The following ASTN2 variants were observed in gnomAD, a reference collection of about 807,000 sequenced individuals.
ASTN2 encodes astrotactin 2.
Under a neutral mutation model 139.8 loss-of-function variants are expected in ASTN2, and 54 were observed. That is an observed-to-expected ratio of 0.39 (90% CI 0.31 to 0.48). The LOEUF is 0.48. ASTN2 is among the 20% of genes least tolerant of loss of function. The pLI, the probability that ASTN2 is intolerant of heterozygous loss-of-function variation, is 0.95. For synonymous variants in ASTN2, 756 were observed against 719.5 expected, an observed-to-expected ratio of 1.05 and a Z score of -0.81; for missense variants, 1,565 against 1,725.1, an observed-to-expected ratio of 0.91 and a Z score of 1.64.
At chr9:117,008,315 T>C (rs1837419369) in intron 6 of ASTN2, 56 bp from the exon 7 acceptor site, 1 of 1,478,476 alleles carries the variant, frequency 6.8e-7, no homozygotes, top group South Asian at 1.4e-5. Flanking sequence ...TCTTAGCTGA[T>C]GCTACAGAAC....
Position 116,614,201 on chromosome 9 carries a change from C to T in ASTN2, c.3355+4123G>A, listed in dbSNP as rs570000981. Reference sequence around the variant, plus strand: ...GACCTCTTCACGAAGAACTACAAACCACTGCTCAACAAAATAAAAGAGGAC... The same window carrying T: ...GACCTCTTCACGAAGAACTACAAACTACTGCTCAACAAAATAAAAGAGGAC... On this transcript the variant is annotated intron_variant, in intron 19 of 22. Coordinates refer to ENST00000313400, the MANE Select transcript of ASTN2 (RefSeq NM_001365068.1). 1.2e-3 allele frequency among the ~76,000 whole-genome samples: 184 copies of T among 152,252 alleles called. 1 individual carries two copies. The highest frequency in any genetic ancestry group is 4.2e-3 in the African/African-American group (176 of 41,536).
At chr9:116,737,359 A>G (rs1828954904) in intron 13 of ASTN2, among the ~76,000 whole-genome samples, 1 of 152,186 alleles carries the variant, frequency 6.6e-6, no homozygotes, top group Non-Finnish European at 1.5e-5. Flanking sequence ...CAACAGCTGC[A>G]GAACCCACCC....
chr9:116,644,615 CT>C (rs972072875), intron 17 of ASTN2, among the ~76,000 whole-genome samples: 2 of 152,154 alleles, frequency 1.3e-5, no homozygotes, highest in Non-Finnish European at 2.9e-5. Flanking sequence ...GTTTTACTAT[CT>C]GTAAAATAAA....
At chr9:116,813,794 G>A (rs1018846309) in intron 12 of ASTN2, among the ~76,000 whole-genome samples, 1 of 152,050 alleles carries the variant, frequency 6.6e-6, no homozygotes. Context: ...CAGCACTTTG[G>A]GGGGCTGAGA....
At position 116,854,931 on chromosome 9, in the gene ASTN2, T is replaced by C. The variant is rs577274311; in HGVS notation, c.2040+8652A>G. 2.1e-3 allele frequency among the ~76,000 whole-genome samples: 323 copies of C among 151,914 alleles called. 1 individual carries two copies. The highest frequency in any genetic ancestry group is 3.6e-3 in the Non-Finnish European group (243 of 67,960). ...CCTCCCAAAGTGCTAGGATTACAGG[T>C]TTGAGCCACCGCGCCCGGCCTCCCT... On this transcript the variant is annotated intron_variant, in intron 11 of 22. Coordinates refer to ENST00000313400, the MANE Select transcript of ASTN2 (RefSeq NM_001365068.1).
intron 1 of ASTN2, among the ~76,000 whole-genome samples, chr9:117,385,001 T>C (rs1274742076): frequency 2.0e-5 from 3 of 152,164 alleles, no homozygotes; most frequent in Non-Finnish European, 4.4e-5. Flanking sequence ...TCCTTTCCTG[T>C]CCATAGTTCA....
chr9:116,904,085 A>C (rs865915644), intron 10 of ASTN2, among the ~76,000 whole-genome samples: 4 of 152,338 alleles, frequency 2.6e-5, no homozygotes, highest in Middle Eastern at 6.8e-3. Flanking sequence ...TCCTTGCCAG[A>C]ATCATGTCAG....
At chr9:116,947,737 T>A (rs187357675) in intron 10 of ASTN2, among the ~76,000 whole-genome samples, 388 of 152,330 alleles carry the variant, frequency 2.5e-3, no homozygotes, top group Non-Finnish European at 4.1e-3. Context: ...CCAAACACTT[T>A]AGTGCTATTT....
At chr9:116,809,296 A>AT (rs1831106007) in intron 12 of ASTN2, among the ~76,000 whole-genome samples, 1 of 152,150 alleles carries the variant, frequency 6.6e-6, no homozygotes, top group Admixed American at 6.6e-5. Context: ...TAACTTAACT[A>AT]TTTTTTAAAA....
intron 19 of ASTN2, among the ~76,000 whole-genome samples, chr9:116,494,044 T>C (rs1167819546): frequency 6.6e-6 from 1 of 152,180 alleles, no homozygotes; most frequent in Non-Finnish European, 1.5e-5. Context: ...AAAATGCATC[T>C]TTAAGGGCCT....
At position 116,699,934 on chromosome 9, in the gene ASTN2, G is replaced by A. The variant is rs1326749830; in HGVS notation, c.2806+25837C>T. 2 of 630,570 alleles carry A rather than the reference G, an allele frequency of 3.2e-6. No individual in the cohort carries two copies. The highest frequency in any genetic ancestry group is 2.8e-5 in the East Asian group (1 of 35,228). The allele number at this position is 630,570 out of a possible 1,614,324, so 39.1% of individuals were successfully genotyped here. A position where few individuals can be genotyped will look rare whatever the true frequency, so the allele number is the denominator to read the frequency against. ...GATGCACTGCCCAAATAGGACACAC[G>A]ATGGTGTTAGCTGAAGTTTGATTAG... On this transcript the variant is annotated intron_variant, in intron 16 of 22. Coordinates refer to ENST00000313400, the MANE Select transcript of ASTN2 (RefSeq NM_001365068.1). The surrounding 1 kb of genome is among the most constrained non-coding windows in gnomAD (Gnocchi z 4.2).
intron 1 of ASTN2, among the ~76,000 whole-genome samples, chr9:117,370,521 G>C (rs533403668): frequency 1.3e-5 from 2 of 152,176 alleles, no homozygotes; most frequent in East Asian, 1.9e-4. Context: ...AGTTTAGAAA[G>C]CACTTTACCT....
At chr9:117,000,315 C>T (rs1027982638) in intron 7 of ASTN2, among the ~76,000 whole-genome samples, 2 of 152,220 alleles carry the variant, frequency 1.3e-5, no homozygotes, top group Non-Finnish European at 2.9e-5. Context: ...AGAATTTAAA[C>T]CTGGCTGTGT....
chr9:116,816,775 G>A (rs538275620), intron 12 of ASTN2, among the ~76,000 whole-genome samples: 3 of 152,060 alleles, frequency 2.0e-5, no homozygotes, highest in African/African-American at 4.8e-5. Flanking sequence ...TTTGGAGAAC[G>A]TAAACTGATG....
intron 5 of ASTN2, among the ~76,000 whole-genome samples, chr9:117,085,169 T>C (rs944982): frequency 0.91 from 137,713 of 152,138 alleles, 62,449 homozygotes; most frequent in East Asian, 0.97. Flanking sequence ...CTGCCCTCCA[T>C]GCCCCCCACA....
At chr9:117,366,683 A>G (rs894207285) in intron 1 of ASTN2, among the ~76,000 whole-genome samples, 2 of 151,854 alleles carry the variant, frequency 1.3e-5, no homozygotes, top group African/African-American at 4.8e-5. Flanking sequence ...GAGCTCCTGC[A>G]CCCTCCAAGG....
intron 17 of ASTN2, among the ~76,000 whole-genome samples, chr9:116,631,969 C>A (rs1856765561): frequency 1.3e-5 from 2 of 151,718 alleles, no homozygotes; most frequent in Non-Finnish European, 2.9e-5. Flanking sequence ...CAAAAATTAG[C>A]TGGGCGTTGT....
At chr9:117,310,046 G>C (rs769432908) in intron 1 of ASTN2, among the ~76,000 whole-genome samples, 14 of 152,122 alleles carry the variant, frequency 9.2e-5, no homozygotes, top group Non-Finnish European at 1.6e-4. Flanking sequence ...AAATAATGGG[G>C]TAACTTGACA....
chr9:116,539,880 G>A (rs1245345263), intron 19 of ASTN2, among the ~76,000 whole-genome samples: 1 of 152,200 alleles, frequency 6.6e-6, no homozygotes, highest in African/African-American at 2.4e-5. Flanking sequence ...TGGATAAGTG[G>A]AGACTACTGT....
Sources: gnomAD v4.1 joint callset for allele counts (sites outside exome capture counted in the v4.1 genomes callset) on GRCh38, gnomAD v4.1.1 for gene constraint, Gnocchi (gnomAD v3.1) non-coding constraint, MANE v1.5 for transcripts, NCBI Gene and HGNC (gene_info 2026-07-23, HGNC 2026-07-21) for gene names.